Variants in CENPN observed in about 807,000 individuals in gnomAD.
The protein encoded by CENPN is centromere protein N.
A neutral mutation model predicts 48.6 loss-of-function variants in CENPN; 36 were observed. The observed-to-expected ratio is 0.74, with a 90% CI of 0.57 to 0.98. The LOEUF is 0.98. CENPN is among the 50% of genes least tolerant of loss of function. The pLI, the probability that CENPN is intolerant of heterozygous loss-of-function variation, is 0.00. For missense variants in CENPN, 439 were observed against 399.2 expected, an observed-to-expected ratio of 1.10 and a Z score of -0.85; for synonymous variants, 166 against 135.2, an observed-to-expected ratio of 1.23 and a Z score of -1.58.
intron 8 of CENPN, among the ~76,000 whole-genome samples, chr16:81,025,735 C>T (rs1220362845): frequency 1.5e-5 from 2 of 137,440 alleles, no homozygotes; most frequent in Non-Finnish European, 3.0e-5. Context: ...CAGAGTCTCA[C>T]TCTATTTCCT....
At chr16:81,022,512 T>G in intron 6 of CENPN, 85 bp from the exon 7 acceptor site, 1 of 1,124,146 alleles carries the variant, frequency 8.9e-7, no homozygotes, top group East Asian at 2.4e-5. Context: ...ATTCCCTAAT[T>G]GCAGCTCTTA....
Position 81,017,790 on chromosome 16 carries a change from T to A in CENPN, c.310T>A (p.Phe104Ile), listed in dbSNP as rs564785741. 1.9e-6 allele frequency: 3 copies of A among 1,586,274 alleles called. No homozygotes were observed. The African/African-American group carries it at 4.1e-5, about 22-fold the overall frequency. ...EDVDLFDMKQFKNSFKKILQR... is the reference protein window; with the variant it reads ...EDVDLFDMKQIKNSFKKILQR... ...TGTTGACCTTTTTGATATGAAACAATTTAAAAATTCGTTCAAGAAAATTCT... is the reference window on the plus strand; with the variant it reads ...TGTTGACCTTTTTGATATGAAACAAATTAAAAATTCGTTCAAGAAAATTCT... The change falls in exon 5 of 11, where the codon TTT becomes ATT. Residue 104 changes from phenylalanine (F) to isoleucine (I), a missense_variant. Coordinates refer to ENST00000305850, the MANE Select transcript of CENPN (RefSeq NM_001100624.3).
downstream of CENPN, chr16:81,032,626 A>T (rs1458637028): frequency 3.1e-6 from 5 of 1,613,426 alleles, no homozygotes; most frequent in Non-Finnish European, 4.2e-6. Flanking sequence ...CAGTCAAGGG[A>T]CCCAGGACCC....
chr16:81,014,247 C>G, intron 3 of CENPN, 66 bp downstream of exon 3: 1 of 1,376,184 alleles, frequency 7.3e-7, no homozygotes, highest in Non-Finnish European at 1.0e-6. Context: ...TTGTTTCTTT[C>G]TTTGTGAGAC....
At chr16:81,015,972 T>C (rs1036289922) in intron 3 of CENPN, among the ~76,000 whole-genome samples, 2 of 145,696 alleles carry the variant, frequency 1.4e-5, no homozygotes, top group African/African-American at 5.1e-5. Flanking sequence ...ACCACTGCAC[T>C]CCAGCCTGGC....
chr16:81,015,239 GT>G (rs144515911), intron 3 of CENPN, among the ~76,000 whole-genome samples: 22 of 151,978 alleles, frequency 1.4e-4, no homozygotes, highest in African/African-American at 4.4e-4. Flanking sequence ...CAAGATGTCT[GT>G]TTTTTTTATC....
chr16:81,008,186 G>C (rs1476558890), intron 1 of CENPN, among the ~76,000 whole-genome samples: 1 of 152,000 alleles, frequency 6.6e-6, no homozygotes, highest in East Asian at 1.9e-4. Flanking sequence ...TAATTGGTGA[G>C]ACTGAGGGCG....
intron 1 of CENPN, among the ~76,000 whole-genome samples, chr16:81,009,139 A>C (rs1028102111): frequency 1.3e-5 from 2 of 152,182 alleles, no homozygotes; most frequent in Non-Finnish European, 2.9e-5. Flanking sequence ...TCTGGGAGGC[A>C]GAGGCTGCAG....
At chr16:81,008,670 G>C (rs1366037935) in intron 1 of CENPN, among the ~76,000 whole-genome samples, 2 of 152,124 alleles carry the variant, frequency 1.3e-5, no homozygotes, top group Non-Finnish European at 2.9e-5. Flanking sequence ...GAGAGGTGTT[G>C]ATTTGATGTT....
Position 81,012,020 on chromosome 16 carries a change from C to G in CENPN, c.81C>G (p.Ala27=), listed in dbSNP as rs1181296100. The G allele has an allele frequency of 6.2e-7, 1 of 1,614,058 alleles. No homozygotes were observed. The highest frequency in any genetic ancestry group is 1.1e-5 in the South Asian group (1 of 91,076). Residue 27 remains alanine (A), a synonymous_variant, in exon 2 of 11, where the codon GCC becomes GCG. Coordinates refer to ENST00000305850, the MANE Select transcript of CENPN (RefSeq NM_001100624.3). ...ATGAACTGACAACAATCCTGAAGGC[C>G]TGGGATTTTTTGTCTGAAAATCAAC... ...PMNELTTILK[A]WDFLSENQLQ... is the part of the protein sequence containing the mutation.
At chr16:81,017,270 A>G (rs1462804034) in intron 3 of CENPN, 56 bp from the exon 4 acceptor site, 2 of 1,118,662 alleles carry the variant, frequency 1.8e-6, no homozygotes, top group Non-Finnish European at 2.7e-6. Flanking sequence ...ATCTATAAGC[A>G]TATTACTTCA....
At chr16:81,026,936 A>G (rs1356890090) in intron 9 of CENPN, among the ~76,000 whole-genome samples, 1 of 150,588 alleles carries the variant, frequency 6.6e-6, no homozygotes, top group African/African-American at 2.4e-5. Flanking sequence ...GATTACAGGC[A>G]CCTGCCACCT....
At position 81,017,370 on chromosome 16, in the gene CENPN, A is replaced by G; in HGVS notation, c.262A>G (p.Met88Val). 1 of 1,591,820 alleles carries G rather than the reference A, an allele frequency of 6.3e-7. No individual in the cohort carries two copies. Among genetic ancestry groups the G allele is most frequent in the Non-Finnish European group, 8.6e-7 (1 of 1,160,228 alleles). The change falls in exon 4 of 11, where the codon ATG becomes GTG. Residue 88 changes from methionine to valine, a missense_variant. Met to Val is a conservative substitution (Grantham distance 21). Transcript: ENST00000305850. ...QHQKVWEVFQ[M>V]SKGPGEDVDL... ...CCAGAAAGTTTGGGAAGTTTTTCAG[A>G]TGAGTAAAGGACCAGGTAATATTTT...
In CENPN at chr16:81,030,228, C is replaced by A; in HGVS notation, c.*1577C>A. 1.0e-6 allele frequency: 1 copy of A among 985,436 alleles called. No homozygotes were observed. Among genetic ancestry groups the A allele is most frequent in the South Asian group, 4.7e-5 (1 of 21,286 alleles). 61.0% of individuals were successfully genotyped at this position (985,436 alleles called of 1,614,324 possible). On this transcript the variant is annotated 3_prime_UTR_variant, in exon 11 of 11. Coordinates refer to ENST00000305850, the MANE Select transcript of CENPN (RefSeq NM_001100624.3). The stretch of plus-strand genomic sequence containing the variant: ...CATATCACAGGCATGAGCTACCACG[C>A]CCGCCAGCATGTCTTTTTTAAACAT...
chr16:81,028,203 G>T lies in CENPN; in HGVS notation c.843G>T (p.Gly281=). 6.2e-7 allele frequency: 1 copy of T among 1,613,026 alleles called. No homozygotes were observed. The highest frequency in any genetic ancestry group is 1.1e-5 in the South Asian group (1 of 91,048). Residue 281 remains glycine (G), a synonymous_variant, in exon 10 of 11, where the codon GGG becomes GGT. Coordinates refer to ENST00000305850, the MANE Select transcript of CENPN (RefSeq NM_001100624.3). ...CGAAATTCAAAAGTGGTTTAAATGG[G>T]AGCATCTTGGCTGAGAGGGAAGAAC... ...LETKFKSGLN[G]SILAEREEPL...
intron 4 of CENPN, 48 bp downstream of exon 4, chr16:81,017,433 T>A: frequency 7.5e-7 from 1 of 1,324,940 alleles, no homozygotes; most frequent in Non-Finnish European, 1.1e-6. Flanking sequence ...TGGCTTGGAC[T>A]CAGGAAGCAG....
Position 81,030,118 on chromosome 16 carries a change from C to G in CENPN, c.*1467C>G, listed in dbSNP as rs1970704771. On this transcript the variant is annotated 3_prime_UTR_variant, in exon 11 of 11. Coordinates refer to ENST00000305850, the MANE Select transcript of CENPN (RefSeq NM_001100624.3). The stretch of plus-strand genomic sequence containing the variant: ...AGTATGGGGGAAATCGTTCCCATGA[C>G]TCAAGTATCTCCACCTGGCCCTGCC... 1 of 776,540 alleles carries G rather than the reference C, an allele frequency of 1.3e-6. No individual in the cohort carries two copies. Among genetic ancestry groups the G allele is most frequent in the Non-Finnish European group, 1.6e-6 (1 of 639,708 alleles). The allele number at this position is 776,540 out of a possible 1,614,324, so 48.1% of individuals were successfully genotyped here.
chr16:81,028,400 C>T lies in CENPN; in HGVS notation c.937+103C>T, dbSNP rs943389629. On this transcript the variant is annotated intron_variant, in intron 10 of 10. Coordinates refer to ENST00000305850, the MANE Select transcript of CENPN (RefSeq NM_001100624.3). The stretch of plus-strand genomic sequence containing the variant: ...TTCTGAGCTCACCCATCACCCTAGT[C>T]TGCTAGCCCATCCTGCTCTCTCTTG... 30 of 1,499,610 alleles carry T rather than the reference C, an allele frequency of 2.0e-5. No homozygotes were observed. In the Admixed American group the frequency reaches 5.4e-4, roughly 27 times the overall value. 92.9% of individuals were successfully genotyped at this position (1,499,610 alleles called of 1,614,324 possible).
At chr16:81,015,404 C>A (rs527789932) in intron 3 of CENPN, among the ~76,000 whole-genome samples, 2 of 152,286 alleles carry the variant, frequency 1.3e-5, no homozygotes, top group Non-Finnish European at 2.9e-5. Flanking sequence ...TATCATTTGA[C>A]CAATCTGTAT....
Sources: allele counts gnomAD v4.1 joint callset (sites outside exome capture counted in the v4.1 genomes callset), GRCh38; gene constraint gnomAD v4.1.1; transcripts MANE v1.5; gene names NCBI Gene and HGNC (gene_info 2026-07-23, HGNC 2026-07-21).